The following ZNF429 variants were observed in gnomAD, a reference collection of about 807,000 sequenced individuals.
ZNF429 encodes zinc finger protein 429.
Under a neutral mutation model 56.8 loss-of-function variants are expected in ZNF429, and 53 were observed. The ratio of observed to expected loss-of-function variants is 0.93; its 90% CI spans 0.75 to 1.17. The LOEUF is 1.17. Ranked by LOEUF, ZNF429 falls within the 50% of genes most tolerant of loss-of-function variation. The pLI, the probability that ZNF429 is intolerant of heterozygous loss-of-function variation, is 0.00. For synonymous variants in ZNF429, 278 were observed against 264.7 expected (o/e 1.05, Z -0.49); for missense variants, 849 against 788.4 (o/e 1.08, Z -0.92).
chr19:21,535,497 TTC>T lies in ZNF429; in HGVS notation c.227-781_227-780del. 1.5e-3 allele frequency among the ~76,000 whole-genome samples: 177 copies of T among 122,046 alleles called. 11 individuals carry two copies. The highest frequency in any genetic ancestry group is 6.0e-3 in the African/African-American group (166 of 27,688). The allele number at this position is 122,046 out of a possible 152,430, so 80.1% of individuals were successfully genotyped here. Reference sequence around the variant, plus strand: ...CTTTCTTTCTTTCTTTCTTTCTTTCTTCTTTCTTTCTTTCTTTCCTTCTTTTT... The same window carrying T: ...CTTTCTTTCTTTCTTTCTTTCTTTCTTTTCTTTCTTTCTTTCCTTCTTTTT... On this transcript the variant is annotated intron_variant, in intron 3 of 3. Transcript: ENST00000358491.
At position 21,537,827 on chromosome 19, in the gene ZNF429, C is replaced by A. The variant is rs554336241; in HGVS notation, c.1774C>A (p.Pro592Thr). The change falls in exon 4 of 4, where the codon CCC becomes ACC. Residue 592 changes from proline (P) to threonine (T), a missense_variant. Physicochemically the swap from Pro to Thr is conservative, Grantham distance 38 (BLOSUM62 -1). Transcript: ENST00000358491. ...TAAGAAAATTCATAGTGGAGAGAAA[C>A]CCTACAAATGTGAAGAATGTGGCAA... is the stretch of plus-strand genomic sequence containing the variant. The part of the protein sequence containing the change: ...SHKKIHSGEK[P>T]YKCEECGKAF... 46 of 1,613,644 alleles carry A rather than the reference C, an allele frequency of 2.9e-5. 1 individual carries two copies. The South Asian group carries it at 4.5e-4, about 16-fold the overall frequency.
chr19:21,513,174 A>G (rs1473270987), intron 1 of ZNF429, among the ~76,000 whole-genome samples: 2 of 152,134 alleles, frequency 1.3e-5, no homozygotes, highest in African/African-American at 4.8e-5. Flanking sequence ...CCCGGCCCTT[A>G]GTCTTAATGG....
At chr19:21,506,767 G>GT (rs60650857) in intron 1 of ZNF429, among the ~76,000 whole-genome samples, 4,196 of 111,728 alleles carry the variant, frequency 0.038, 129 homozygotes, top group South Asian at 0.052. Context: ...TTAGTTTTTT[G>GT]TTTTTTTTTT....
chr19:21,511,246 C>T (rs2032449227), intron 1 of ZNF429, among the ~76,000 whole-genome samples: 1 of 151,732 alleles, frequency 6.6e-6, no homozygotes, highest in Non-Finnish European at 1.5e-5. Flanking sequence ...GGCGGCTGGC[C>T]CGGTGGGGGG....
intron 3 of ZNF429, among the ~76,000 whole-genome samples, chr19:21,533,887 C>T: frequency 2.0e-5 from 3 of 151,938 alleles, no homozygotes; most frequent in Non-Finnish European, 4.4e-5. Context: ...TATCCAGTTT[C>T]CAATATTATT....
At chr19:21,529,570 A>T in intron 1 of ZNF429, 88 bp from the exon 2 acceptor site, 1 of 1,287,854 alleles carries the variant, frequency 7.8e-7, no homozygotes, top group Non-Finnish European at 1.0e-6. Context: ...TTTCACCTTG[A>T]ATTAAATAAA....
intron 1 of ZNF429, among the ~76,000 whole-genome samples, chr19:21,508,082 G>A (rs1451534449): frequency 1.3e-5 from 2 of 151,990 alleles, no homozygotes; most frequent in African/African-American, 2.4e-5. Flanking sequence ...ATGAAATTCC[G>A]TCTCTACTAA....
chr19:21,505,795 A>G, intron 1 of ZNF429, 21 bp downstream of exon 1: 2 of 1,611,384 alleles, frequency 1.2e-6, no homozygotes, highest in East Asian at 2.2e-5. Flanking sequence ...CGAGTCTGAC[A>G]TCCCCAGAGA....
rs192867907 is a variant in ZNF429 at position 21,516,365 on chromosome 19, G to A, written c.3+10591G>A. ...GCCTCCCAAAGTGCTGGGATTACAG[G>A]TGTGAGCCACCATGCCCAGCCGCTT... On this transcript the variant is annotated intron_variant, in intron 1 of 3. Transcript: ENST00000358491. 4.7e-3 allele frequency among the ~76,000 whole-genome samples: 720 copies of A among 152,286 alleles called. 3 individuals carry two copies. The highest frequency in any genetic ancestry group is 7.8e-3 in the Non-Finnish European group (533 of 68,032).
chr19:21,516,075 T>A (rs923040736), intron 1 of ZNF429, among the ~76,000 whole-genome samples: 1 of 152,020 alleles, frequency 6.6e-6, no homozygotes, highest in African/African-American at 2.4e-5. Flanking sequence ...TTTTTATTTT[T>A]TTTATTTTAT....
At chr19:21,507,428 A>G (rs1248170415) in intron 1 of ZNF429, 1 of 152,244 alleles carries the variant, frequency 6.6e-6, no homozygotes, top group Non-Finnish European at 1.5e-5. Flanking sequence ...TTTTCTGTTT[A>G]TAAATATTTT....
rs566982428 is a variant in ZNF429, at chr19:21,517,881, T to C, written c.4-11777T>C. On this transcript the variant is annotated intron_variant, in intron 1 of 3. Transcript: ENST00000358491. ...CGATCTCAGCTCACTGCAAGCTCCG[T>C]CTCCCAGGTTCACGCCATTCACCTG... Among the ~76,000 whole-genome samples, 56 of 150,942 alleles carry C rather than the reference T, an allele frequency of 3.7e-4. 1 individual carries two copies. Among genetic ancestry groups the C allele is most frequent in the Admixed American group, 2.6e-4 (4 of 15,120 alleles).
At chr19:21,510,837 C>T (rs567543305) in intron 1 of ZNF429, among the ~76,000 whole-genome samples, 2 of 152,156 alleles carry the variant, frequency 1.3e-5, no homozygotes, top group African/African-American at 2.4e-5. Flanking sequence ...CTTGCACCGC[C>T]CTTAATCCAT....
chr19:21,537,242 T>C lies in ZNF429; in HGVS notation c.1189T>C (p.Tyr397His). The change falls in exon 4 of 4, where the codon TAC (tyrosine) becomes CAC (histidine). Residue 397 changes from tyrosine (Y) to histidine (H), a missense_variant. Coordinates refer to ENST00000358491, the MANE Select transcript of ZNF429 (RefSeq NM_001001415.4). ...HKKIHTGEEP[Y>H]KFEKCGRVFT... Reference sequence around the variant, plus strand: ...AAAAATTCATACTGGAGAGGAACCCTACAAATTTGAAAAATGTGGCAGAGT... The same window carrying C: ...AAAAATTCATACTGGAGAGGAACCCCACAAATTTGAAAAATGTGGCAGAGT... The C allele has an allele frequency of 6.2e-7, 1 of 1,613,886 alleles. No homozygotes were observed. The highest frequency in any genetic ancestry group is 8.5e-7 in the Non-Finnish European group (1 of 1,179,922).
intron 3 of ZNF429, among the ~76,000 whole-genome samples, chr19:21,535,420 CTTTCTTTCTTTCTTTCTTTCTTTCT>C: frequency 0.055 from 351 of 6,326 alleles, 62 homozygotes; most frequent in Non-Finnish European, 0.069. Flanking sequence ...TCTTTTCTTT[CTTTCTTTCTTTCTTTCTTTCTTTCT>C]TTCTTTCTTT....
chr19:21,511,845 C>G (rs1232854295), intron 1 of ZNF429, among the ~76,000 whole-genome samples: 2 of 152,160 alleles, frequency 1.3e-5, no homozygotes, highest in Non-Finnish European at 2.9e-5. Context: ...GAGGCTGAGG[C>G]TGGCGGATCA....
intron 3 of ZNF429, among the ~76,000 whole-genome samples, chr19:21,533,737 C>CCT: frequency 0.2 from 29,728 of 151,696 alleles, 2,997 homozygotes; most frequent in African/African-American, 0.22. Context: ...CTCACTGCAA[C>CCT]CTGTTTCCCG....
At chr19:21,532,970 C>T in intron 3 of ZNF429, among the ~76,000 whole-genome samples, 1 of 151,736 alleles carries the variant, frequency 6.6e-6, no homozygotes, top group African/African-American at 2.4e-5. Flanking sequence ...GCTAGGATTA[C>T]AGGCATGATC....
chr19:21,517,796 CTT>C (rs777982396), intron 1 of ZNF429, among the ~76,000 whole-genome samples: 22 of 106,326 alleles, frequency 2.1e-4, no homozygotes, highest in Admixed American at 5.0e-4. Context: ...TTGTCATTTC[CTT>C]TTTTTTTTTT....
Sources: gnomAD v4.1 joint callset for allele counts (sites outside exome capture counted in the v4.1 genomes callset) on GRCh38, gnomAD v4.1.1 for gene constraint, MANE v1.5 for transcripts, NCBI Gene and HGNC (gene_info 2026-07-23, HGNC 2026-07-21) for gene names.